Variants in TENM2 observed in about 807,000 individuals in gnomAD.
TENM2 encodes teneurin-2.
In TENM2, 52 loss-of-function variants were observed where a neutral mutation model predicts 245.2. That is an observed-to-expected ratio of 0.21 (90% CI 0.17 to 0.27). TENM2 has a LOEUF of 0.27. TENM2 is among the 10% of genes least tolerant of loss of function. The pLI is 1.00. For missense variants in TENM2, 3,046 were observed against 3,666.8 expected, an observed-to-expected ratio of 0.83 and a Z score of 4.37; for synonymous variants, 1,363 against 1,438.9, an observed-to-expected ratio of 0.95 and a Z score of 1.19.
At chr5:167,679,434 AT>A (rs1756551350) in intron 2 of TENM2, among the ~76,000 whole-genome samples, 1 of 152,318 alleles carries the variant, frequency 6.6e-6, no homozygotes, top group Admixed American at 6.5e-5. Flanking sequence ...AGCTAGTACT[AT>A]AGATGAACTT....
chr5:168,115,543 G>A (rs1337736853), intron 9 of TENM2, among the ~76,000 whole-genome samples: 1 of 152,182 alleles, frequency 6.6e-6, no homozygotes, highest in Non-Finnish European at 1.5e-5. Context: ...TGTAATAGGA[G>A]ACCAGTGTTG....
chr5:167,353,035 G>A (rs1267137676), intron 1 of TENM2, among the ~76,000 whole-genome samples: 2 of 151,958 alleles, frequency 1.3e-5, no homozygotes, highest in African/African-American at 2.4e-5. Context: ...ACGACTCCTC[G>A]GCTTTTCATT....
chr5:167,253,601 A>C, the TENM2 span, among the ~76,000 whole-genome samples: 1 of 152,114 alleles, frequency 6.6e-6, no homozygotes, highest in East Asian at 1.9e-4. Context: ...ATTTATTTTT[A>C]AAAACTAAGA....
In TENM2 at chr5:167,486,262, C is replaced by T. The variant is rs780372220; in HGVS notation, c.502+110789C>T. Among the ~76,000 whole-genome samples, 3 of 151,988 alleles carry T rather than the reference C, an allele frequency of 2.0e-5. No individual in the cohort carries two copies. In the East Asian group the frequency reaches 5.8e-4, roughly 29 times the overall value. On this transcript the variant is annotated intron_variant, in intron 2 of 28. Coordinates refer to ENST00000518659, the Ensembl canonical transcript of TENM2. Reference sequence around the variant, plus strand: ...ATAAAACAATAGAACTTTGCTCCTGCCCTCAGGGAGACAACAGTCTGACAA... The same window carrying T: ...ATAAAACAATAGAACTTTGCTCCTGTCCTCAGGGAGACAACAGTCTGACAA...
At chr5:167,561,569 T>G (rs1001394107) in intron 2 of TENM2, among the ~76,000 whole-genome samples, 1 of 152,180 alleles carries the variant, frequency 6.6e-6, no homozygotes, top group Admixed American at 6.5e-5. Context: ...AAGATCAAGA[T>G]GAAACGTCTA....
chr5:168,092,940 C>T (rs978905396), intron 8 of TENM2, among the ~76,000 whole-genome samples: 8 of 152,222 alleles, frequency 5.3e-5, no homozygotes, highest in Non-Finnish European at 1.0e-4. Flanking sequence ...GTTGCTTCCT[C>T]AACCCATGGA....
At chr5:167,537,024 CA>C (rs1024389489) in intron 2 of TENM2, among the ~76,000 whole-genome samples, 18 of 149,938 alleles carry the variant, frequency 1.2e-4, no homozygotes, top group South Asian at 2.1e-4. Context: ...GACTCCATCT[CA>C]AAAAAAAAGA....
chr5:167,822,737 C>T (rs968300069), intron 2 of TENM2, among the ~76,000 whole-genome samples: 1 of 151,852 alleles, frequency 6.6e-6, no homozygotes, highest in Non-Finnish European at 1.5e-5. Context: ...AGTAGAACAA[C>T]AAAAACAACA....
intron 2 of TENM2, among the ~76,000 whole-genome samples, chr5:167,638,275 A>G (rs1212439757): frequency 6.6e-6 from 1 of 152,186 alleles, no homozygotes; most frequent in Non-Finnish European, 1.5e-5. Context: ...AGCACTTACC[A>G]AAAGCTGATC....
chr5:168,201,146 C>A (rs1443353157), intron 17 of TENM2, among the ~76,000 whole-genome samples: 1 of 152,072 alleles, frequency 6.6e-6, no homozygotes, highest in African/African-American at 2.4e-5. Context: ...TAACAGGTCA[C>A]ACCTGCTCAG....
At chr5:168,005,614 C>T (rs1784764963) in intron 5 of TENM2, among the ~76,000 whole-genome samples, 1 of 152,144 alleles carries the variant, frequency 6.6e-6, no homozygotes, top group Non-Finnish European at 1.5e-5. Flanking sequence ...AGTCACTTAC[C>T]AGGGCAGTTA....
chr5:167,143,867 T>A, the TENM2 span, among the ~76,000 whole-genome samples: 1 of 152,164 alleles, frequency 6.6e-6, no homozygotes, highest in African/African-American at 2.4e-5. Context: ...TTTGCCTGGC[T>A]TATATACGAG....
chr5:168,021,031 T>C (rs1206623767), intron 5 of TENM2, among the ~76,000 whole-genome samples: 1 of 152,230 alleles, frequency 6.6e-6, no homozygotes, highest in African/African-American at 2.4e-5. Context: ...CTTTCCTCTA[T>C]TTAAAAATTG....
the TENM2 span, among the ~76,000 whole-genome samples, chr5:166,990,798 C>T: frequency 2.0e-5 from 3 of 152,146 alleles, no homozygotes; most frequent in Admixed American, 1.3e-4. Context: ...AACAACAACA[C>T]TGTGATCATT....
At chr5:167,439,872 C>T (rs1764782927) in intron 2 of TENM2, among the ~76,000 whole-genome samples, 2 of 152,120 alleles carry the variant, frequency 1.3e-5, no homozygotes, top group Non-Finnish European at 2.9e-5. Flanking sequence ...AATTATAAAT[C>T]ACTACCGTGG....
At chr5:167,102,354 T>C in the TENM2 span, among the ~76,000 whole-genome samples, 1 of 152,200 alleles carries the variant, frequency 6.6e-6, no homozygotes, top group African/African-American at 2.4e-5. Context: ...AATCAGCTAA[T>C]AAATGTTCTC....
intron 2 of TENM2, among the ~76,000 whole-genome samples, chr5:167,633,608 T>A (rs1267537217): frequency 6.6e-6 from 1 of 152,220 alleles, no homozygotes; most frequent in Non-Finnish European, 1.5e-5. Context: ...GGGATCTTTC[T>A]AAAGCAGAAC....
intron 4 of TENM2, among the ~76,000 whole-genome samples, chr5:167,962,048 T>C (rs1781052809): frequency 6.6e-6 from 1 of 152,206 alleles, no homozygotes. Flanking sequence ...CTTTTTGTAA[T>C]AAAGTGTCCT....
chr5:167,345,892 C>CAAA (rs57279945), intron 1 of TENM2, among the ~76,000 whole-genome samples: 5 of 67,958 alleles, frequency 7.4e-5, no homozygotes, highest in African/African-American at 2.3e-4. Flanking sequence ...AACATACAGC[C>CAAA]AAAAAAAAAA....
Sources: allele counts gnomAD v4.1 joint callset (sites outside exome capture counted in the v4.1 genomes callset), GRCh38; gene constraint gnomAD v4.1.1; transcripts MANE v1.5; gene names NCBI Gene and HGNC (gene_info 2026-07-23, HGNC 2026-07-21).